Variants in PHF2 observed in about 807,000 individuals in gnomAD.
PHF2 encodes PHD finger protein 2.
PHF2 carries 27 observed loss-of-function variants against 120.5 expected under a neutral mutation model. That is an observed-to-expected ratio of 0.22 (90% confidence interval 0.17 to 0.31). The LOEUF (loss-of-function observed/expected upper bound fraction) is 0.31, where lower values mean the gene tolerates loss of function less well. Ranked by LOEUF, PHF2 falls within the 10% of genes least tolerant of loss-of-function variation. PHF2 has a pLI of 1.00. For synonymous variants in PHF2, 568 were observed against 592.5 expected, an observed-to-expected ratio of 0.96 and a Z score of 0.60; for missense variants, 1,024 against 1,434.8, an observed-to-expected ratio of 0.71 and a Z score of 4.63.
intron 1 of PHF2, among the ~76,000 whole-genome samples, chr9:93,577,612 C>T (rs1281060673): frequency 1.3e-5 from 2 of 152,204 alleles, no homozygotes; most frequent in Admixed American, 6.5e-5. Flanking sequence ...TTTGCCACCT[C>T]CTCCCTGGCC....
intron 1 of PHF2, among the ~76,000 whole-genome samples, chr9:93,619,757 T>C (rs1825794571): frequency 6.6e-6 from 1 of 152,168 alleles, no homozygotes; most frequent in Non-Finnish European, 1.5e-5. Flanking sequence ...CAAGCTTCTG[T>C]TGTCGCAGGA....
At chr9:93,581,972 TTGGTTTTTTTAAATAACAGA>T (rs1398237341) in intron 1 of PHF2, among the ~76,000 whole-genome samples, 1 of 152,172 alleles carries the variant, frequency 6.6e-6, no homozygotes, top group African/African-American at 2.4e-5. Flanking sequence ...AGTCCATCTC[TTGGTTTTTTTAAATAACAGA>T]TGGGCCTGAT....
At chr9:93,634,573 C>G (rs1826059899) in intron 2 of PHF2, among the ~76,000 whole-genome samples, 1 of 152,244 alleles carries the variant, frequency 6.6e-6, no homozygotes, top group African/African-American at 2.4e-5. Flanking sequence ...ATGGCCCTGG[C>G]ATTGCCTGGC....
At chr9:93,589,577 TTGGAAA>T (rs1447681300) in intron 1 of PHF2, among the ~76,000 whole-genome samples, 7 of 152,232 alleles carry the variant, frequency 4.6e-5, no homozygotes, top group Non-Finnish European at 1.0e-4. Context: ...TCTTTATCAC[TTGGAAA>T]TTAAAGTCAG....
intron 5 of PHF2, among the ~76,000 whole-genome samples, 162 bp downstream of exon 5, chr9:93,649,374 CTTT>C (rs752368762): frequency 0.015 from 1,547 of 105,638 alleles, 18 homozygotes; most frequent in African/African-American, 0.052. Context: ...AAATTTTTTC[CTTT>C]TTTTTTTTTT....
chr9:93,658,146 C>G lies in PHF2; in HGVS notation c.1149C>G (p.Gly383=). ...CCTCACCCAGTGTCTCCTTCCCAGG[C>G]TCTCACAAATCTGGGAAGCAGCTGC... is the stretch of plus-strand genomic sequence containing the variant. ...MGKHLLEAFK[G]SHKSGKQLPP... Residue 383 remains glycine (G), a splice_region_variant and synonymous_variant, in exon 10 of 22, where the codon GGC becomes GGG. Coordinates refer to ENST00000359246, the MANE Select transcript of PHF2 (RefSeq NM_005392.4). 1 of 1,606,004 alleles carries G rather than the reference C, an allele frequency of 6.2e-7. No individual in the cohort carries two copies. The highest frequency in any genetic ancestry group is 8.5e-7 in the Non-Finnish European group (1 of 1,173,916).
At chr9:93,609,567 C>G (rs1201863964) in intron 1 of PHF2, among the ~76,000 whole-genome samples, 1 of 139,760 alleles carries the variant, frequency 7.2e-6, no homozygotes, top group Non-Finnish European at 1.6e-5. Context: ...TTTTTTTTTT[C>G]TTTCAACACT....
At chr9:93,618,309 G>T (rs571107854) in intron 1 of PHF2, among the ~76,000 whole-genome samples, 1 of 152,278 alleles carries the variant, frequency 6.6e-6, no homozygotes, top group African/African-American at 2.4e-5. Flanking sequence ...GGCAAGGTGA[G>T]TGTGGTGGAC....
Position 93,676,798 on chromosome 9 carries a change from C to T in PHF2, c.3037C>T (p.Pro1013Ser), listed in dbSNP as rs1349579669. 2.6e-6 allele frequency: 4 copies of T among 1,552,834 alleles called. No individual in the cohort carries two copies. Among genetic ancestry groups the T allele is most frequent in the Admixed American group, 3.9e-5 (2 of 51,126 alleles). The change falls in exon 21 of 22, where the codon CCG becomes TCG. Residue 1013 changes from proline to serine, a missense_variant. Coordinates refer to ENST00000359246, the MANE Select transcript of PHF2 (RefSeq NM_005392.4). ...GCAGGAGGGCAGCTCGCCAGAGCCC[C>T]CGCCTGAGTCGCATAGCAGCAGCCT... ...ASQEGSSPEP[P>S]PESHSSSLAD... is the part of the protein sequence containing the mutation.
intron 1 of PHF2, among the ~76,000 whole-genome samples, chr9:93,587,555 G>A (rs1863077976): frequency 6.6e-6 from 1 of 151,662 alleles, no homozygotes; most frequent in Admixed American, 6.6e-5. Context: ...CCCCGGGTGA[G>A]GGATGATGGA....
In PHF2 at chr9:93,677,622, G is replaced by A. The variant is rs1341535332; in HGVS notation, c.3237G>A (p.Lys1079=). The stretch of plus-strand genomic sequence containing the variant: ...CGAAAAAGGGCATGGCGACCGCCAA[G>A]CAGAGGCTTGGGAAAATTTTGAAAA... ...KRTKKGMATA[K]QRLGKILKIH... is the part of the protein sequence containing the mutation. The change falls in exon 22 of 22, where the codon AAG becomes AAA. Residue 1079 remains lysine (K), a synonymous_variant. Transcript: ENST00000359246. This position sits in a 1 kb window ranked among gnomAD's most constrained non-coding sequence, Gnocchi z 4.4. 9 of 1,613,924 alleles carry A rather than the reference G, an allele frequency of 5.6e-6. No individual in the cohort carries two copies. Among genetic ancestry groups the A allele is most frequent in the Non-Finnish European group, 7.6e-6 (9 of 1,179,978 alleles).
chr9:93,658,046 G>T, intron 9 of PHF2, 99 bp from the exon 10 acceptor site: 1 of 753,820 alleles, frequency 1.3e-6, no homozygotes, highest in South Asian at 1.6e-5. Flanking sequence ...ACCTCTGGAA[G>T]GCTGGACCTG....
chr9:93,668,377 G>C (rs1203854241), intron 17 of PHF2, among the ~76,000 whole-genome samples: 1 of 152,132 alleles, frequency 6.6e-6, no homozygotes, highest in East Asian at 1.9e-4. Context: ...ACAGCTCTTT[G>C]GGGGATGCCT....
chr9:93,649,756 G>A (rs1005531346), intron 5 of PHF2, among the ~76,000 whole-genome samples: 43 of 151,732 alleles, frequency 2.8e-4, no homozygotes, highest in African/African-American at 9.4e-4. Flanking sequence ...CCTCACATTC[G>A]CTCATGGACA....
At chr9:93,588,803 A>G (rs1055763650) in intron 1 of PHF2, among the ~76,000 whole-genome samples, 5 of 152,184 alleles carry the variant, frequency 3.3e-5, no homozygotes, top group African/African-American at 1.2e-4. Flanking sequence ...AGGCAGGAGA[A>G]TCACTTGAAC....
intron 17 of PHF2, among the ~76,000 whole-genome samples, chr9:93,671,528 A>T (rs2118098150): frequency 8.9e-6 from 1 of 112,174 alleles, no homozygotes; most frequent in African/African-American, 3.7e-5. Flanking sequence ...GGATGTAGGT[A>T]CAGGTGTAGA....
intron 17 of PHF2, chr9:93,671,040 G>C (rs1488347942): frequency 2.0e-6 from 2 of 981,618 alleles, no homozygotes; most frequent in African/African-American, 3.5e-5. Flanking sequence ...TGCAGGTGTG[G>C]GGGTAGGTGC....
chr9:93,636,552 C>G, intron 3 of PHF2, 27 bp downstream of exon 3: 1 of 1,436,788 alleles, frequency 7.0e-7, no homozygotes, highest in Non-Finnish European at 9.6e-7. Flanking sequence ...GTATGCTCCA[C>G]CACCTGCAGC....
In PHF2 at chr9:93,673,825, G is replaced by A; in HGVS notation, c.2589G>A (p.Gln863=). ...ACCTGGACGACTACGAGGAAGAGCA[G>A]GACCACCTGGATGCCTGCTTCAAGG... ...SVDLDDYEEE[Q]DHLDACFKDS... The change falls in exon 18 of 22, where the codon CAG becomes CAA. Residue 863 remains glutamine (Q), a synonymous_variant. Transcript: ENST00000359246. 6.2e-7 allele frequency: 1 copy of A among 1,605,684 alleles called. No homozygotes were observed. Among genetic ancestry groups the A allele is most frequent in the Non-Finnish European group, 8.5e-7 (1 of 1,173,732 alleles).
Sources: allele counts gnomAD v4.1 joint callset (sites outside exome capture counted in the v4.1 genomes callset), GRCh38; gene constraint gnomAD v4.1.1; non-coding constraint Gnocchi (gnomAD v3.1); transcripts MANE v1.5; gene names NCBI Gene and HGNC (gene_info 2026-07-23, HGNC 2026-07-21).